Variants in TASP1 observed in about 807,000 individuals in gnomAD.
TASP1 encodes the protein taspase 1, also known as threonine aspartase 1.
In TASP1, 16 loss-of-function variants were observed where a neutral mutation model predicts 56.6. The observed-to-expected ratio is 0.28, with a 90% CI of 0.19 to 0.43. The LOEUF (loss-of-function observed/expected upper bound fraction) is 0.43. TASP1 is among the 20% of genes least tolerant of loss of function. The pLI is 1.00. For synonymous variants in TASP1, 179 were observed against 184.2 expected (o/e 0.97, Z 0.23); for missense variants, 393 against 511.6 (o/e 0.77, Z 2.24).
chr20:13,614,273 T>C (rs2048447255), intron 4 of TASP1, among the ~76,000 whole-genome samples: 1 of 152,132 alleles, frequency 6.6e-6, no homozygotes, highest in African/African-American at 2.4e-5. Context: ...GGTTTTAGTA[T>C]CTGTGACAGT....
chr20:13,436,387 C>A (rs181128651), intron 11 of TASP1, among the ~76,000 whole-genome samples: 83 of 151,280 alleles, frequency 5.5e-4, no homozygotes, highest in African/African-American at 1.8e-3. Flanking sequence ...AGAAGGAAGA[C>A]AACATGCCAC....
At chr20:13,317,663 A>G in the TASP1 span, among the ~76,000 whole-genome samples, 28 of 152,148 alleles carry the variant, frequency 1.8e-4, no homozygotes, top group African/African-American at 5.8e-4. Context: ...TTGACCTTTG[A>G]CAAGGGATGA....
chr20:13,572,002 G>A (rs2046732064), intron 6 of TASP1, among the ~76,000 whole-genome samples: 1 of 151,976 alleles, frequency 6.6e-6, no homozygotes. Context: ...CCACTACCCT[G>A]CACTCCTCTA....
At chr20:13,147,802 T>A in the TASP1 span, among the ~76,000 whole-genome samples, 1 of 152,216 alleles carries the variant, frequency 6.6e-6, no homozygotes, top group East Asian at 1.9e-4. Flanking sequence ...GGTCATATGC[T>A]AAATAATTGA....
intron 4 of TASP1, among the ~76,000 whole-genome samples, chr20:13,614,263 G>C (rs1281174769): frequency 6.6e-6 from 1 of 151,940 alleles, no homozygotes; most frequent in Non-Finnish European, 1.5e-5. Context: ...TTGAATACCA[G>C]GTTTTAGTAT....
chr20:13,308,769 C>T, the TASP1 span, among the ~76,000 whole-genome samples: 52 of 152,152 alleles, frequency 3.4e-4, no homozygotes, highest in Middle Eastern at 3.4e-3. Context: ...AATCCTAACC[C>T]CCAAAGTTAT....
the TASP1 span, chr20:13,159,970 CTT>C: frequency 1.8e-5 from 21 of 1,163,740 alleles, no homozygotes; most frequent in Admixed American, 4.8e-5. Context: ...CAACTAACCA[CTT>C]TTTTTTTTTC....
At chr20:13,301,161 C>G in the TASP1 span, among the ~76,000 whole-genome samples, 1 of 152,088 alleles carries the variant, frequency 6.6e-6, no homozygotes, top group African/African-American at 2.4e-5. Context: ...TGACACAATT[C>G]TATTCTTATG....
At chr20:13,511,176 AG>A (rs973662747) in intron 10 of TASP1, among the ~76,000 whole-genome samples, 3 of 151,534 alleles carry the variant, frequency 2.0e-5, no homozygotes, top group East Asian at 1.9e-4. Context: ...CCTCATTCCT[AG>A]GAAAAAAAAA....
the TASP1 span, among the ~76,000 whole-genome samples, chr20:13,302,900 C>T: frequency 0.34 from 51,739 of 151,944 alleles, 9,900 homozygotes; most frequent in Admixed American, 0.42. Context: ...TTCATGTAAC[C>T]GCCATGATTA....
At chr20:13,549,383 T>C (rs1479722847) in intron 8 of TASP1, among the ~76,000 whole-genome samples, 1 of 152,128 alleles carries the variant, frequency 6.6e-6, no homozygotes, top group African/African-American at 2.4e-5. Context: ...ACTGGTTATT[T>C]CTTGTCTTGT....
At chr20:13,316,083 T>C in the TASP1 span, among the ~76,000 whole-genome samples, 1 of 151,944 alleles carries the variant, frequency 6.6e-6, no homozygotes, top group Non-Finnish European at 1.5e-5. Context: ...AGGGTACAAA[T>C]TACTAATATC....
intron 11 of TASP1, among the ~76,000 whole-genome samples, chr20:13,437,047 C>A (rs1024507678): frequency 1.4e-4 from 22 of 151,906 alleles, no homozygotes; most frequent in Non-Finnish European, 2.2e-4. Flanking sequence ...CTGGCAGAGA[C>A]ACAACAAAAA....
intron 12 of TASP1, among the ~76,000 whole-genome samples, chr20:13,430,028 G>A (rs1297531880): frequency 6.6e-6 from 1 of 152,056 alleles, no homozygotes; most frequent in Non-Finnish European, 1.5e-5. Context: ...AAAGGCTGGA[G>A]GTGAGGAGGC....
chr20:13,626,277 A>G (rs2048883757), intron 2 of TASP1, among the ~76,000 whole-genome samples: 1 of 152,102 alleles, frequency 6.6e-6, no homozygotes, highest in South Asian at 2.1e-4. Context: ...ATACAAAAAA[A>G]GTAGCCAAGC....
intron 10 of TASP1, among the ~76,000 whole-genome samples, chr20:13,521,640 G>C (rs1365759306): frequency 6.9e-6 from 1 of 145,654 alleles, no homozygotes; most frequent in African/African-American, 2.5e-5. Context: ...TGTGGGGTGG[G>C]GGAGGGGGGA....
intron 4 of TASP1, 66 bp from the exon 5 acceptor site, chr20:13,587,436 A>G: frequency 7.2e-7 from 1 of 1,386,096 alleles, no homozygotes; most frequent in Middle Eastern, 1.8e-4. Context: ...TCAGTCCTTC[A>G]TGAAATTTTC....
the TASP1 span, among the ~76,000 whole-genome samples, chr20:13,183,494 T>C: frequency 1.3e-5 from 2 of 152,192 alleles, no homozygotes; most frequent in African/African-American, 2.4e-5. Context: ...ACATAAAAAG[T>C]AAATTTCTTG....
At chr20:13,611,897 A>G (rs1411033134) in intron 4 of TASP1, among the ~76,000 whole-genome samples, 1 of 152,184 alleles carries the variant, frequency 6.6e-6, no homozygotes, top group Admixed American at 6.5e-5. Context: ...AGTTTTTAAA[A>G]GCTAGTCTAT....
Sources: gnomAD v4.1 joint callset for allele counts (sites outside exome capture counted in the v4.1 genomes callset) on GRCh38, gnomAD v4.1.1 for gene constraint, MANE v1.5 for transcripts, NCBI Gene and HGNC (gene_info 2026-07-23, HGNC 2026-07-21) for gene names.